Variants in LTV1 observed in about 807,000 individuals in gnomAD.
The protein encoded by LTV1 is protein LTV1 homolog.
A neutral mutation model predicts 59.9 loss-of-function variants in LTV1; 39 were observed. The ratio of observed to expected loss-of-function variants is 0.65; its 90% CI spans 0.50 to 0.85. The LOEUF is 0.85. LTV1 is among the 40% of genes least tolerant of loss of function. The pLI is 0.00. For missense variants in LTV1, 493 were observed against 549.1 expected (o/e 0.90, Z 1.02); for synonymous variants, 171 against 189.5 (o/e 0.90, Z 0.80).
chr6:143,853,018 G>A (rs1161729081), intron 4 of LTV1, among the ~76,000 whole-genome samples: 1 of 151,908 alleles, frequency 6.6e-6, no homozygotes, highest in African/African-American at 2.4e-5. Context: ...CTCCAGCTTT[G>A]TTCTTTCTGC....
intron 6 of LTV1, 46 bp downstream of exon 6, chr6:143,858,053 A>AT (rs752904285): frequency 0.013 from 16,385 of 1,252,792 alleles, no homozygotes; most frequent in Non-Finnish European, 0.015. Flanking sequence ...CTTATGTTAA[A>AT]TTTTTTTTTT....
chr6:143,847,181 T>G (rs1328838653), intron 3 of LTV1, among the ~76,000 whole-genome samples: 6 of 152,174 alleles, frequency 3.9e-5, no homozygotes, highest in Admixed American at 3.9e-4. Flanking sequence ...AGAACCAACT[T>G]CTTTATTCCT....
chr6:143,857,567 A>G lies in LTV1; in HGVS notation c.539+123A>G. ...AGAGCATTTAATCTGAGACTTCTGT[A>G]TTTTAGAGCAGAAAATGTGAGATTC... On this transcript the variant is annotated intron_variant, in intron 5 of 10. Transcript: ENST00000367576. The surrounding 1 kb of genome is among the most constrained non-coding windows in gnomAD (Gnocchi z 5.2). 2 of 1,109,370 alleles carry G rather than the reference A, an allele frequency of 1.8e-6. No individual in the cohort carries two copies. Among genetic ancestry groups the G allele is most frequent in the Non-Finnish European group, 2.6e-6 (2 of 756,944 alleles). The allele number at this position is 1,109,370 out of a possible 1,614,324, so 68.7% of individuals were successfully genotyped here.
intron 3 of LTV1, 31 bp downstream of exon 3, chr6:143,846,255 G>A (rs1196699225): frequency 1.3e-6 from 2 of 1,585,166 alleles, no homozygotes; most frequent in South Asian, 1.1e-5. Context: ...AATTGTGGGA[G>A]TGAGGTGAAG....
intron 6 of LTV1, among the ~76,000 whole-genome samples, chr6:143,859,650 T>C (rs1042342355): frequency 6.6e-6 from 1 of 152,228 alleles, no homozygotes; most frequent in Non-Finnish European, 1.5e-5. Flanking sequence ...ATCTCACTCT[T>C]CAGGAGATAT....
In LTV1 at chr6:143,857,220, A is replaced by G. The variant is rs764546345; in HGVS notation, c.398-83A>G. ...CTCAATATATTAATAGACTCTTGCT[A>G]TCATAGGTCCTTATATTGTGAGTTA... On this transcript the variant is annotated intron_variant, in intron 4 of 10. Transcript: ENST00000367576. The surrounding 1 kb of genome is among the most constrained non-coding windows in gnomAD (Gnocchi z 5.2). 29 of 1,505,172 alleles carry G rather than the reference A, an allele frequency of 1.9e-5. No individual in the cohort carries two copies. The highest frequency in any genetic ancestry group is 5.3e-5 in the Admixed American group (3 of 56,790). 93.2% of individuals were successfully genotyped at this position (1,505,172 alleles called of 1,614,324 possible).
At chr6:143,851,712 A>G (rs555480682) in intron 4 of LTV1, among the ~76,000 whole-genome samples, 1 of 152,050 alleles carries the variant, frequency 6.6e-6, no homozygotes, top group East Asian at 1.9e-4. Flanking sequence ...TCCTAATGCT[A>G]TCCCTCCCCT....
chr6:143,859,916 C>T (rs984632702), intron 6 of LTV1, among the ~76,000 whole-genome samples: 4 of 152,016 alleles, frequency 2.6e-5, no homozygotes, highest in African/African-American at 9.7e-5. Context: ...CTGTCTTGGG[C>T]AGTGCAGACC....
In LTV1 at chr6:143,846,118, A is replaced by G. The variant is rs1310490506; in HGVS notation, c.203A>G (p.Tyr68Cys). ...YGVFFDDDYDYLQHLKEPSGP... is the reference protein window; with the variant it reads ...YGVFFDDDYDCLQHLKEPSGP... ...GTGTTCTTTGATGACGACTATGACT[A>G]CCTGCAGCACCTGAAGGAACCATCT... Residue 68 changes from tyrosine (Y) to cysteine (C), a missense_variant, in exon 3 of 11, where the codon TAC becomes TGC. Tyr to Cys is a radical substitution (Grantham distance 194, BLOSUM62 -2). Coordinates refer to ENST00000367576, the MANE Select transcript of LTV1 (RefSeq NM_032860.5). 6.2e-7 allele frequency: 1 copy of G among 1,614,088 alleles called. No individual in the cohort carries two copies. Among genetic ancestry groups the G allele is most frequent in the Admixed American group, 1.7e-5 (1 of 60,014 alleles).
At position 143,862,414 on chromosome 6, in the gene LTV1, G is replaced by A. The variant is rs921903383; in HGVS notation, c.1063+171G>A. Among the ~76,000 whole-genome samples the A allele has an allele frequency of 6.6e-6, 1 of 151,988 alleles. No homozygotes were observed. The highest frequency in any genetic ancestry group is 2.1e-4 in the South Asian group (1 of 4,816). On this transcript the variant is annotated intron_variant, in intron 8 of 10. Transcript: ENST00000367576. This position sits in a 1 kb window ranked among gnomAD's most constrained non-coding sequence, Gnocchi z 4.2. ...AGCCTGGCCAACATGGTGAAACCCC[G>A]TGTCTACTAAAAAATACAAAAATTA...
chr6:143,846,346 A>T, intron 3 of LTV1, 122 bp downstream of exon 3: 1 of 852,234 alleles, frequency 1.2e-6, no homozygotes, highest in Non-Finnish European at 1.8e-6. Context: ...CCACGCCTCC[A>T]CTTAAAATTA....
intron 6 of LTV1, chr6:143,858,831 T>C (rs565155416): frequency 4.6e-5 from 7 of 152,282 alleles, no homozygotes; most frequent in African/African-American, 1.7e-4. Flanking sequence ...AAAAGAGAGA[T>C]TGGGACCCAA....
intron 4 of LTV1, among the ~76,000 whole-genome samples, chr6:143,852,492 CA>C (rs1776999768): frequency 6.6e-6 from 1 of 152,110 alleles, no homozygotes; most frequent in Non-Finnish European, 1.5e-5. Flanking sequence ...GGATTGATTG[CA>C]AAAATTTTCT....
At chr6:143,860,701 G>A in intron 7 of LTV1, 148 bp downstream of exon 7, 1 of 686,588 alleles carries the variant, frequency 1.5e-6, no homozygotes, top group Non-Finnish European at 2.2e-6. Context: ...AAAAAGAAAA[G>A]GGGAAAAAAA....
intron 3 of LTV1, among the ~76,000 whole-genome samples, chr6:143,848,789 C>T (rs899132945): frequency 2.0e-5 from 3 of 152,178 alleles, no homozygotes; most frequent in Non-Finnish European, 2.9e-5. Context: ...GGCTTCATGT[C>T]GGAGGGTAGG....
rs532826493 is a variant in LTV1 at position 143,863,610 on chromosome 6, T to C, written c.*83T>C. ...ACTAGAAACTTCAGAAAGACAAAAC[T>C]GTTTGCCATTTTTACTGGCAGATAA... On this transcript the variant is annotated 3_prime_UTR_variant, in exon 11 of 11. Transcript: ENST00000367576. The surrounding 1 kb of genome is among the most constrained non-coding windows in gnomAD (Gnocchi z 4.5). 1.0e-3 allele frequency: 892 copies of C among 866,308 alleles called. 1 individual carries two copies. The highest frequency in any genetic ancestry group is 1.4e-3 in the Non-Finnish European group (799 of 563,856). The allele number at this position is 866,308 out of a possible 1,614,324, so 53.7% of individuals were successfully genotyped here. A position where few individuals can be genotyped will look rare whatever the true frequency, so the allele number is the denominator to read the frequency against.
intron 3 of LTV1, among the ~76,000 whole-genome samples, chr6:143,846,553 A>C (rs1776894333): frequency 6.6e-6 from 1 of 152,226 alleles, no homozygotes; most frequent in Admixed American, 6.5e-5. Context: ...TCAGGATCAT[A>C]AACTCTTGTT....
intron 3 of LTV1, among the ~76,000 whole-genome samples, chr6:143,847,108 C>T (rs889402081): frequency 1.1e-4 from 17 of 152,152 alleles, no homozygotes; most frequent in Non-Finnish European, 2.1e-4. Context: ...TGCAGCTGCT[C>T]GTTCACTAAG....
At chr6:143,845,889 TC>T (rs1336746356) in intron 2 of LTV1, among the ~76,000 whole-genome samples, 161 bp from the exon 3 acceptor site, 23 of 152,372 alleles carry the variant, frequency 1.5e-4, no homozygotes, top group African/African-American at 5.3e-4. Flanking sequence ...TGTCAAGAAT[TC>T]TTTGTCTTTT....
Sources: gnomAD v4.1 joint callset for allele counts (sites outside exome capture counted in the v4.1 genomes callset) on GRCh38, gnomAD v4.1.1 for gene constraint, Gnocchi (gnomAD v3.1) non-coding constraint, MANE v1.5 for transcripts, NCBI Gene and HGNC (gene_info 2026-07-23, HGNC 2026-07-21) for gene names.